The following ROBO2 variants were observed in gnomAD, a reference collection of about 807,000 sequenced individuals.
The protein encoded by ROBO2 is roundabout guidance receptor 2, also known as roundabout homolog 2.
ROBO2 carries 53 observed loss-of-function variants against 160.8 expected under a neutral mutation model. That is an observed-to-expected ratio of 0.33 (90% confidence interval 0.26 to 0.41). The LOEUF (loss-of-function observed/expected upper bound fraction) is 0.41. ROBO2 is among the 10% of genes least tolerant of loss of function. The pLI, the probability that ROBO2 is intolerant of heterozygous loss-of-function variation, is 1.00. For synonymous variants in ROBO2, 664 were observed against 611.7 expected (o/e 1.09, Z -1.26); for missense variants, 1,577 against 1,722.4 (o/e 0.92, Z 1.49).
intron 2 of ROBO2, among the ~76,000 whole-genome samples, chr3:76,607,262 T>C (rs537832638): frequency 6.7e-6 from 1 of 149,050 alleles, no homozygotes; most frequent in Non-Finnish European, 1.5e-5. Flanking sequence ...CTCCTGGACA[T>C]GAGCAATCCT....
intron 2 of ROBO2, among the ~76,000 whole-genome samples, chr3:76,664,190 G>C (rs537002052): frequency 2.0e-4 from 31 of 152,292 alleles, no homozygotes; most frequent in African/African-American, 7.2e-4. Flanking sequence ...GATCACAGAA[G>C]CTGTTATGTC....
intron 2 of ROBO2, among the ~76,000 whole-genome samples, chr3:76,766,478 A>G (rs1412250898): frequency 4.0e-5 from 6 of 151,736 alleles, no homozygotes; most frequent in African/African-American, 1.4e-4. Flanking sequence ...TTAAGCAATG[A>G]CTTGCTTGAG....
chr3:76,647,429 GT>G (rs542804554), intron 2 of ROBO2, among the ~76,000 whole-genome samples: 338 of 152,300 alleles, frequency 2.2e-3, no homozygotes, highest in African/African-American at 7.8e-3. Context: ...CCGAGCTGCA[GT>G]TCAAACGTCA....
chr3:77,612,317 T>C (rs981214560), intron 21 of ROBO2, among the ~76,000 whole-genome samples: 3 of 152,218 alleles, frequency 2.0e-5, no homozygotes, highest in African/African-American at 7.2e-5. Context: ...TCATAAAATT[T>C]GTAGAGTCAT....
chr3:76,731,972 C>A (rs1264561144), intron 2 of ROBO2, among the ~76,000 whole-genome samples: 2 of 151,918 alleles, frequency 1.3e-5, no homozygotes, highest in African/African-American at 2.4e-5. Flanking sequence ...TGAGGAAATA[C>A]AACAAATTTC....
At chr3:76,259,541 A>G (rs1000898284) in intron 2 of ROBO2, among the ~76,000 whole-genome samples, 5 of 152,128 alleles carry the variant, frequency 3.3e-5, no homozygotes, top group African/African-American at 9.7e-5. Flanking sequence ...GACAATTGCT[A>G]TAGACTACAT....
intron 2 of ROBO2, among the ~76,000 whole-genome samples, chr3:76,865,795 A>G (rs149238891): frequency 2.6e-5 from 4 of 152,280 alleles, no homozygotes; most frequent in African/African-American, 9.6e-5. Flanking sequence ...TTATCTTAAA[A>G]GGAGCTGATA....
chr3:77,203,863 T>C (rs939641556), intron 2 of ROBO2, among the ~76,000 whole-genome samples: 3 of 152,226 alleles, frequency 2.0e-5, no homozygotes, highest in Non-Finnish European at 4.4e-5. Context: ...AAGTGAATTA[T>C]GGATGTCTTC....
chr3:76,866,703 T>C (rs2071408900), intron 2 of ROBO2, among the ~76,000 whole-genome samples: 1 of 152,194 alleles, frequency 6.6e-6, no homozygotes, highest in Non-Finnish European at 1.5e-5. Context: ...ACTCTTGTTC[T>C]ATGAAACTGG....
chr3:76,538,060 G>A (rs1449666535), intron 2 of ROBO2, among the ~76,000 whole-genome samples: 1 of 151,926 alleles, frequency 6.6e-6, no homozygotes, highest in Non-Finnish European at 1.5e-5. Context: ...GGCTGCTCCA[G>A]ATTTCGTGGC....
intron 2 of ROBO2, among the ~76,000 whole-genome samples, chr3:76,514,665 C>A (rs1553780735): frequency 6.6e-6 from 1 of 151,966 alleles, no homozygotes; most frequent in Non-Finnish European, 1.5e-5. Flanking sequence ...ACTTTTATTT[C>A]TTTTTTTGGA....
intron 2 of ROBO2, among the ~76,000 whole-genome samples, chr3:77,206,409 C>T (rs945657633): frequency 9.2e-5 from 14 of 151,984 alleles, no homozygotes; most frequent in Non-Finnish European, 5.9e-5. Flanking sequence ...ACCTTGTGAT[C>T]CGCCTGCTGT....
At chr3:76,725,146 C>A (rs3911116) in intron 2 of ROBO2, among the ~76,000 whole-genome samples, 6,172 of 152,140 alleles carry the variant, frequency 0.041, 391 homozygotes, top group African/African-American at 0.13. Context: ...TTTATTATAG[C>A]GCCCAGAAGG....
At chr3:76,562,464 T>A (rs1240062534) in intron 2 of ROBO2, among the ~76,000 whole-genome samples, 1 of 147,126 alleles carries the variant, frequency 6.8e-6, no homozygotes, top group African/African-American at 2.5e-5. Flanking sequence ...TCTCTCTCTC[T>A]CAACCTTTTC....
chr3:76,555,358 G>GAGAAGAAGAAGA (rs58339602), intron 2 of ROBO2, among the ~76,000 whole-genome samples: 1,226 of 57,854 alleles, frequency 0.021, 52 homozygotes, highest in African/African-American at 0.045. Flanking sequence ...AGTAGGAAGA[G>GAGAAGAAGAAGA]AGAAGAAGAA....
chr3:77,566,079 T>C (rs1316447208), intron 12 of ROBO2, among the ~76,000 whole-genome samples: 2 of 152,124 alleles, frequency 1.3e-5, no homozygotes, highest in African/African-American at 2.4e-5. Flanking sequence ...GTAGTATTTT[T>C]ATGCAATGAA....
intron 2 of ROBO2, among the ~76,000 whole-genome samples, chr3:76,760,458 T>A (rs573946203): frequency 6.6e-6 from 1 of 151,812 alleles, no homozygotes; most frequent in Admixed American, 6.6e-5. Flanking sequence ...ACACTTCTTC[T>A]ATAGCCAACC....
chr3:76,082,058 C>G (rs2068852287), intron 2 of ROBO2, among the ~76,000 whole-genome samples: 1 of 152,116 alleles, frequency 6.6e-6, no homozygotes, highest in Admixed American at 6.6e-5. Context: ...TTGATTGATT[C>G]TACAAACATA....
At chr3:76,579,786 C>CAAAAAAAAAAAAA (rs5850267) in intron 2 of ROBO2, among the ~76,000 whole-genome samples, 1 of 107,150 alleles carries the variant, frequency 9.3e-6, no homozygotes, top group African/African-American at 3.4e-5. Context: ...GGTTGAGTTA[C>CAAAAAAAAAAAAA]AAAAAAAAAA....
Sources: allele counts gnomAD v4.1 joint callset (sites outside exome capture counted in the v4.1 genomes callset), GRCh38; gene constraint gnomAD v4.1.1; transcripts MANE v1.5; gene names NCBI Gene and HGNC (gene_info 2026-07-23, HGNC 2026-07-21).